The following OSBPL10 variants were observed in gnomAD, a reference collection of about 807,000 sequenced individuals.
OSBPL10 encodes the protein oxysterol binding protein like 10.
In OSBPL10, 49 loss-of-function variants were observed where a neutral mutation model predicts 81.7. The ratio of observed to expected loss-of-function variants is 0.60; its 90% CI spans 0.48 to 0.76. OSBPL10 has a LOEUF of 0.76. Among genes scored for constraint, OSBPL10 ranks in the 30% least tolerant of loss-of-function variants. The pLI, the probability that OSBPL10 is intolerant of heterozygous loss-of-function variation, is 0.00. For missense variants in OSBPL10, 923 were observed against 987.8 expected (o/e 0.93, Z 0.88); for synonymous variants, 419 against 383.6 (o/e 1.09, Z -1.08).
In OSBPL10 at chr3:31,740,857, T is replaced by TTATATATATATATATATATATATATATA. The variant is rs145097507; in HGVS notation, c.940+7052_940+7053insTATATATATATATATATATATATATATA. Among the ~76,000 whole-genome samples the TTATATATATATATATATATATATATATA allele has an allele frequency of 4.4e-3, 600 of 136,242 alleles. 29 individuals are homozygous for TTATATATATATATATATATATATATATA. The highest frequency in any genetic ancestry group is 0.017 in the African/African-American group (518 of 29,636). 89.4% of individuals were successfully genotyped at this position (136,242 alleles called of 152,430 possible). A position where few individuals can be genotyped will look rare whatever the true frequency, so the allele number is the denominator to read the frequency against. On this transcript the variant is annotated intron_variant, in intron 5 of 11. Transcript: ENST00000396556. ...AACTTAATATGACCACTACTAGAAT[T>TTATATATATATATATATATATATATATA]TATATATATATGTCATATTTCTTCC...
chr3:31,946,203 C>T (rs908397859), intron 1 of OSBPL10, among the ~76,000 whole-genome samples: 2 of 151,996 alleles, frequency 1.3e-5, no homozygotes, highest in Admixed American at 6.6e-5. Flanking sequence ...TGGTCTCGAA[C>T]CCCTGATCTC....
At chr3:31,998,593 A>G (rs144908257) in intron 2 of OSBPL10, among the ~76,000 whole-genome samples, 108 of 152,338 alleles carry the variant, frequency 7.1e-4, no homozygotes, top group African/African-American at 2.5e-3. Flanking sequence ...CTTTCATTGG[A>G]TCTTTTTCAA....
At chr3:31,794,969 A>T (rs1304880939) in intron 4 of OSBPL10, 1 of 318,492 alleles carries the variant, frequency 3.1e-6, no homozygotes, top group East Asian at 9.8e-5. Flanking sequence ...CATGTGTCAC[A>T]GGAGCCATTT....
chr3:31,696,705 A>C (rs1028528704), intron 7 of OSBPL10, among the ~76,000 whole-genome samples: 2 of 152,240 alleles, frequency 1.3e-5, no homozygotes, highest in African/African-American at 4.8e-5. Context: ...GGAATATCCC[A>C]GAACCCTGTA....
At position 31,747,903 on chromosome 3, in the gene OSBPL10, G is replaced by T; in HGVS notation, c.940+7C>A. The T allele has an allele frequency of 1.2e-6, 2 of 1,612,898 alleles. No individual in the cohort carries two copies. Among genetic ancestry groups the T allele is most frequent in the Non-Finnish European group, 8.5e-7 (1 of 1,179,932 alleles). ...CCCAAACATGGACAAGCCCCCGGGG[G>T]TCTTACCCGAGGCTCCTGGCTTCTG... is the stretch of plus-strand genomic sequence containing the variant. On this transcript the variant is annotated splice_region_variant and intron_variant, in intron 5 of 11. Coordinates refer to ENST00000396556, the MANE Select transcript of OSBPL10 (RefSeq NM_017784.5).
intron 5 of OSBPL10, among the ~76,000 whole-genome samples, chr3:31,738,192 GA>G (rs1445839542): frequency 6.6e-6 from 1 of 151,868 alleles, no homozygotes; most frequent in Non-Finnish European, 1.5e-5. Flanking sequence ...AAATCAATGG[GA>G]AAAAAATGCA....
intron 4 of OSBPL10, among the ~76,000 whole-genome samples, chr3:31,816,414 C>T (rs1418543055): frequency 6.6e-6 from 1 of 152,190 alleles, no homozygotes; most frequent in African/African-American, 2.4e-5. Flanking sequence ...GATAGTCAGG[C>T]TCCCTTCGCT....
chr3:31,792,512 C>T (rs900702548), intron 4 of OSBPL10, among the ~76,000 whole-genome samples: 2 of 152,072 alleles, frequency 1.3e-5, no homozygotes, highest in African/African-American at 2.4e-5. Flanking sequence ...ACCATAGCAG[C>T]GTTTCTGTTT....
intron 3 of OSBPL10, among the ~76,000 whole-genome samples, chr3:31,865,404 CAT>C (rs1701153769): frequency 6.6e-6 from 1 of 152,190 alleles, no homozygotes; most frequent in Admixed American, 6.5e-5. Flanking sequence ...TATTGCACAG[CAT>C]AGTTTTAAAA....
At chr3:32,011,875 G>A (rs1014351479) in intron 2 of OSBPL10, among the ~76,000 whole-genome samples, 11 of 152,122 alleles carry the variant, frequency 7.2e-5, no homozygotes, top group Non-Finnish European at 1.2e-4. Flanking sequence ...GAAATGAAGC[G>A]AGAAGAGAAG....
intron 6 of OSBPL10, chr3:31,732,552 A>T (rs941617567): frequency 6.6e-6 from 1 of 152,334 alleles, no homozygotes; most frequent in East Asian, 1.9e-4. Flanking sequence ...CATCAAAAGA[A>T]CAAGAAAAAC....
chr3:31,747,982 C>T lies in OSBPL10; in HGVS notation c.868G>A (p.Gly290Arg). Residue 290 changes from glycine to arginine, a missense_variant, in exon 5 of 12, where the codon GGG becomes AGG. Gly to Arg is a moderately radical substitution (Grantham distance 125). Around this residue, in one of 3 missense-constraint regions of OSBPL10, gnomAD observed 514 missense variants for 508.0 expected, o/e 1.01. Coordinates refer to ENST00000396556, the MANE Select transcript of OSBPL10 (RefSeq NM_017784.5). ...TGCTGTAACAAGTTGAGGCACTCCC[C>T]AAGGCAGCTGAGGGTGGCAGCAGAG... Reference protein sequence around the residue: ...ATSAATLSCLGECLNLLQQSV... With the variant: ...ATSAATLSCLRECLNLLQQSV... The T allele has an allele frequency of 6.2e-7, 1 of 1,614,172 alleles. No homozygotes were observed. Among genetic ancestry groups the T allele is most frequent in the Non-Finnish European group, 8.5e-7 (1 of 1,180,024 alleles).
intron 4 of OSBPL10, among the ~76,000 whole-genome samples, chr3:31,755,391 T>C (rs1697855631): frequency 6.6e-6 from 1 of 152,232 alleles, no homozygotes; most frequent in Admixed American, 6.5e-5. Context: ...AACTGGCCGG[T>C]TGGAAGTTGT....
rs544264409 is a variant in OSBPL10 at position 31,949,901 on chromosome 3, T to TCAGAG, written c.281+30993_281+30997dup. Among the ~76,000 whole-genome samples, 479 of 152,250 alleles carry TCAGAG rather than the reference T, an allele frequency of 3.1e-3. 4 individuals carry two copies. Among genetic ancestry groups the TCAGAG allele is most frequent in the African/African-American group, 0.011 (451 of 41,544 alleles). On this transcript the variant is annotated intron_variant, in intron 1 of 11. Coordinates refer to ENST00000396556, the MANE Select transcript of OSBPL10 (RefSeq NM_017784.5). The stretch of plus-strand genomic sequence containing the variant: ...CACCTATGGACTGACTTGGTTTGGA[T>TCAGAG]CAGAGCTAGAAGCTGCTCTCAATGA...
chr3:31,828,005 T>C (rs979127037), intron 4 of OSBPL10, among the ~76,000 whole-genome samples: 1 of 150,680 alleles, frequency 6.6e-6, no homozygotes, highest in Non-Finnish European at 1.5e-5. Context: ...AAGTCCTACA[T>C]TTTTTTTTCA....
chr3:31,698,028 C>T (rs1695781719), intron 7 of OSBPL10, among the ~76,000 whole-genome samples: 1 of 151,618 alleles, frequency 6.6e-6, no homozygotes, highest in African/African-American at 2.4e-5. Context: ...TCCCAAAGTA[C>T]TGGGATTACA....
intron 1 of OSBPL10, among the ~76,000 whole-genome samples, chr3:31,889,386 G>A (rs1455452505): frequency 1.3e-5 from 2 of 152,172 alleles, no homozygotes; most frequent in African/African-American, 4.8e-5. Flanking sequence ...TAGCCAAGAT[G>A]TGGAATCAAG....
chr3:31,864,282 G>A (rs1337512601), intron 3 of OSBPL10, among the ~76,000 whole-genome samples: 1 of 152,142 alleles, frequency 6.6e-6, no homozygotes, highest in African/African-American at 2.4e-5. Context: ...TGTTGCCCAG[G>A]CTGGAGTTGG....
Position 32,051,873 on chromosome 3 carries a change from G to A in OSBPL10, n.186-5270C>T, listed in dbSNP as rs79238928. Among the ~76,000 whole-genome samples the A allele has an allele frequency of 2.8e-3, 424 of 152,270 alleles. 3 individuals are homozygous for A. The highest frequency in any genetic ancestry group is 9.5e-3 in the African/African-American group (394 of 41,558). ...AAAATAATAAGCACTTAATTCAAAT[G>A]TTTTGTCAGAAAAATAAAAACTGTA... On this transcript the variant is annotated intron_variant and non_coding_transcript_variant, in intron 1 of 3. Transcript: ENST00000479173.
Sources: allele counts gnomAD v4.1 joint callset (sites outside exome capture counted in the v4.1 genomes callset), GRCh38; gene constraint gnomAD v4.1.1; regional missense constraint gnomAD v4.1.1; transcripts MANE v1.5; gene names NCBI Gene and HGNC (gene_info 2026-07-23, HGNC 2026-07-21).